Variants in CHLSN observed in about 807,000 individuals in gnomAD.
The protein encoded by CHLSN is cholesin, also known as protein cholesin.
At chr7:1,099,494 AGC>A in the CHLSN span, among the ~76,000 whole-genome samples, 3 of 152,272 alleles carry the variant, frequency 2.0e-5, no homozygotes, top group African/African-American at 7.2e-5. Context: ...TTCTAATTAA[AGC>A]TTTCTCTTCT....
At chr7:1,104,355 T>C in the CHLSN span, among the ~76,000 whole-genome samples, 114 of 152,326 alleles carry the variant, frequency 7.5e-4, no homozygotes, top group Middle Eastern at 0.014. Context: ...GCTATGATCA[T>C]GCCTGTGAAT....
the CHLSN span, among the ~76,000 whole-genome samples, chr7:1,103,315 G>A: frequency 6.6e-6 from 1 of 152,292 alleles, no homozygotes; most frequent in East Asian, 1.9e-4. Flanking sequence ...GCGTCAAAGT[G>A]GAAGTGGCTA....
the CHLSN span, among the ~76,000 whole-genome samples, chr7:1,083,629 AAAAAAAAAC>A: frequency 3.6e-4 from 54 of 148,314 alleles, no homozygotes; most frequent in African/African-American, 1.3e-3. Flanking sequence ...CTCCATCTCA[AAAAAAAAAC>A]AAAAAAAACA....
chr7:1,040,183 T>TAAAAAAAAAAAAAAAAAAAAAAAAAAA, the CHLSN span, among the ~76,000 whole-genome samples: 1 of 74,530 alleles, frequency 1.3e-5, no homozygotes, highest in African/African-American at 4.5e-5. Context: ...AAAATAAATT[T>TAAAAAAAAAAAAAAAAAAAAAAAAAAA]AAAAAAAAAA....
At chr7:1,079,201 C>G in the CHLSN span, among the ~76,000 whole-genome samples, 2 of 152,288 alleles carry the variant, frequency 1.3e-5, no homozygotes, top group South Asian at 4.1e-4. Flanking sequence ...CCAAGCCACT[C>G]GAAGCTGACA....
the CHLSN span, among the ~76,000 whole-genome samples, chr7:1,122,289 G>C: frequency 1.4e-4 from 22 of 152,214 alleles, no homozygotes; most frequent in Admixed American, 8.5e-4. Flanking sequence ...AGGAAGCCAG[G>C]GGGGTTCTGC....
At chr7:1,017,801 C>T in the CHLSN span, among the ~76,000 whole-genome samples, 26 of 152,226 alleles carry the variant, frequency 1.7e-4, no homozygotes, top group African/African-American at 6.0e-4. Context: ...TCTCTGCCCC[C>T]GCCCCCCACT....
At chr7:1,059,772 G>T in the CHLSN span, among the ~76,000 whole-genome samples, 1 of 135,078 alleles carries the variant, frequency 7.4e-6, no homozygotes, top group African/African-American at 2.8e-5. Context: ...AGTGGGGCGG[G>T]TCCGTAATGA....
chr7:1,108,351 T>TGTCCCACACTGGA, the CHLSN span, among the ~76,000 whole-genome samples: 103 of 69,438 alleles, frequency 1.5e-3, 5 homozygotes, highest in African/African-American at 3.4e-3. Flanking sequence ...AGGGGGGCTG[T>TGTCCCACACTGGA]GTCCCGCACC....
At chr7:1,070,786 GACACGC>G in the CHLSN span, among the ~76,000 whole-genome samples, 3 of 132,622 alleles carry the variant, frequency 2.3e-5, no homozygotes, top group Non-Finnish European at 4.7e-5. Context: ...CACGCACACG[GACACGC>G]ACGTGCACAC....
chr7:1,063,218 G>A, the CHLSN span, among the ~76,000 whole-genome samples: 1 of 152,180 alleles, frequency 6.6e-6, no homozygotes, highest in African/African-American at 2.4e-5. Context: ...GGGCTTCCAC[G>A]CGACGCTGTC....
the CHLSN span, among the ~76,000 whole-genome samples, chr7:1,136,015 T>C: frequency 4.2e-5 from 5 of 120,450 alleles, no homozygotes; most frequent in African/African-American, 1.7e-4. Context: ...ATAAAATATA[T>C]ATGTATATAT....
At chr7:1,016,707 GCCAGCGCACAGCAGCACACAGCAGCA>G in the CHLSN span, among the ~76,000 whole-genome samples, 2 of 45,206 alleles carry the variant, frequency 4.4e-5, no homozygotes, top group African/African-American at 2.7e-4. Context: ...GCCAGCACAC[GCCAGCGCACAGCAGCACACAGCAGCA>G]CACGCCAGCG....
At chr7:1,008,296 T>TCTGAAGCCCC in the CHLSN span, among the ~76,000 whole-genome samples, 39 of 152,000 alleles carry the variant, frequency 2.6e-4, no homozygotes, top group Non-Finnish European at 5.1e-4. Context: ...TCTGAAGCCC[T>TCTGAAGCCCC]CTCTGTCTAC....
chr7:1,089,806 G>A, the CHLSN span, among the ~76,000 whole-genome samples: 12 of 150,254 alleles, frequency 8.0e-5, no homozygotes, highest in Non-Finnish European at 1.5e-4. Context: ...CCCCTGGCCC[G>A]GCGCGGTGGA....
the CHLSN span, chr7:983,312 G>A: frequency 6.5e-7 from 1 of 1,540,702 alleles, no homozygotes; most frequent in Non-Finnish European, 8.7e-7. Flanking sequence ...TGGCCCCCGG[G>A]GCCTCGCCCG....
the CHLSN span, among the ~76,000 whole-genome samples, chr7:1,100,755 G>A: frequency 6.6e-6 from 1 of 152,032 alleles, no homozygotes; most frequent in Non-Finnish European, 1.5e-5. Flanking sequence ...GGCCTCCACA[G>A]GGGCTTCTTG....
At chr7:1,016,108 AGCG>A in the CHLSN span, among the ~76,000 whole-genome samples, 1 of 109,006 alleles carries the variant, frequency 9.2e-6, no homozygotes, top group Non-Finnish European at 1.8e-5. Context: ...AGCACACAGC[AGCG>A]CACAGCAGCA....
the CHLSN span, among the ~76,000 whole-genome samples, chr7:1,071,590 G>GT: frequency 6.6e-6 from 1 of 152,198 alleles, no homozygotes; most frequent in South Asian, 2.1e-4. Context: ...AAGTACCACT[G>GT]TGAGTCTTCA....
Sources: gnomAD v4.1 joint callset for allele counts (sites outside exome capture counted in the v4.1 genomes callset) on GRCh38, gnomAD v4.1.1 for gene constraint, MANE v1.5 for transcripts, NCBI Gene and HGNC (gene_info 2026-07-23, HGNC 2026-07-21) for gene names.